RAC1: variants seen among roughly 807,000 people sequenced by gnomAD.
RAC1 encodes Rac family small GTPase 1, also known as ras-related C3 botulinum toxin substrate 1.
A neutral mutation model predicts 25.2 loss-of-function variants in RAC1; 2 were observed. The ratio of observed to expected loss-of-function variants is 0.08; its 90% confidence interval spans 0.03 to 0.25. RAC1 has a LOEUF of 0.25. RAC1 is among the 10% of genes least tolerant of loss of function. RAC1 has a pLI of 1.00. For missense variants in RAC1, 50 were observed against 235.7 expected, an observed-to-expected ratio of 0.21 and a Z score of 5.16; for synonymous variants, 88 against 94.0, an observed-to-expected ratio of 0.94 and a Z score of 0.37.
chr7:6,388,049 G>C (rs572906130), intron 2 of RAC1, among the ~76,000 whole-genome samples: 26 of 152,210 alleles, frequency 1.7e-4, no homozygotes, highest in African/African-American at 6.0e-4. Flanking sequence ...ATTGAAACTT[G>C]GGTGTGTGTG....
intron 3 of RAC1, among the ~76,000 whole-genome samples, chr7:6,398,367 T>A (rs896056533): frequency 6.6e-6 from 1 of 152,202 alleles, no homozygotes; most frequent in Middle Eastern, 3.2e-3. Context: ...CTGTGCCAGC[T>A]GTTGTAGATT....
intron 1 of RAC1, among the ~76,000 whole-genome samples, chr7:6,380,960 C>A (rs1243488327): frequency 6.6e-6 from 1 of 152,100 alleles, no homozygotes; most frequent in African/African-American, 2.4e-5. Flanking sequence ...TCTCCGCATC[C>A]CAGGTTCAGG....
chr7:6,395,710 G>A (rs752739447), intron 3 of RAC1, among the ~76,000 whole-genome samples: 1 of 152,142 alleles, frequency 6.6e-6, no homozygotes, highest in Admixed American at 6.5e-5. Flanking sequence ...CTCCACCAGG[G>A]CGAAGCTGCG....
intron 2 of RAC1, among the ~76,000 whole-genome samples, chr7:6,390,568 C>A (rs559870872): frequency 6.6e-6 from 1 of 151,720 alleles, no homozygotes; most frequent in African/African-American, 2.4e-5. Flanking sequence ...CCACTGCACT[C>A]CAGCCTGGGT....
intron 1 of RAC1, among the ~76,000 whole-genome samples, chr7:6,376,160 A>T (rs916782866): frequency 4.7e-5 from 6 of 126,908 alleles, no homozygotes; most frequent in Non-Finnish European, 1.0e-4. Context: ...GTATTAGAGT[A>T]TGTAGGCTAT....
intron 2 of RAC1, chr7:6,391,679 T>G: frequency 2.0e-6 from 1 of 491,008 alleles, no homozygotes; most frequent in Non-Finnish European, 3.6e-6. Flanking sequence ...CTGACGGTGA[T>G]TTGTTTCACT....
chr7:6,394,893 C>A (rs1050062673), intron 3 of RAC1, among the ~76,000 whole-genome samples: 2 of 150,246 alleles, frequency 1.3e-5, no homozygotes, highest in Non-Finnish European at 3.0e-5. Context: ...CTTGCTCTGT[C>A]GCCCAGGCTG....
chr7:6,383,876 C>T (rs971060488), intron 1 of RAC1, among the ~76,000 whole-genome samples: 1 of 135,224 alleles, frequency 7.4e-6, no homozygotes, highest in Non-Finnish European at 1.5e-5. Flanking sequence ...AATCTCGGCT[C>T]ACTGCAACTT....
chr7:6,379,634 T>C (rs1782708572), intron 1 of RAC1, among the ~76,000 whole-genome samples: 1 of 152,240 alleles, frequency 6.6e-6, no homozygotes, highest in African/African-American at 2.4e-5. Flanking sequence ...GGTTTCGAAC[T>C]CCTGACCTTA....
chr7:6,382,936 G>C (rs1164171723), intron 1 of RAC1, among the ~76,000 whole-genome samples: 1 of 152,118 alleles, frequency 6.6e-6, no homozygotes, highest in African/African-American at 2.4e-5. Flanking sequence ...CTTTCATTGT[G>C]GTTATTTCTA....
rs1782589813 is a variant in RAC1 at position 6,376,254 on chromosome 7, CTCA to C, written c.35+1485_35+1487del. On this transcript the variant is annotated intron_variant, in intron 1 of 5. Transcript: ENST00000348035. ...CTGGAGTGCAGTGGCACGATTTCGG[CTCA>C]CTACAACCTCCGCCTCCCAGGTTCA... Among the ~76,000 whole-genome samples, 5 of 127,934 alleles carry C rather than the reference CTCA, an allele frequency of 3.9e-5. No individual in the cohort carries two copies. In the South Asian group the frequency reaches 1.3e-3, roughly 32 times the overall value. 83.9% of individuals were successfully genotyped at this position (127,934 alleles called of 152,430 possible).
At chr7:6,386,494 C>T (rs1374214658) in intron 1 of RAC1, among the ~76,000 whole-genome samples, 1 of 151,842 alleles carries the variant, frequency 6.6e-6, no homozygotes, top group Non-Finnish European at 1.5e-5. Flanking sequence ...AATTAAAATA[C>T]CTTTAGGCTG....
At chr7:6,400,716 C>G (rs913310547) in intron 4 of RAC1, among the ~76,000 whole-genome samples, 6 of 151,794 alleles carry the variant, frequency 4.0e-5, no homozygotes, top group African/African-American at 1.2e-4. Context: ...ACTCTTGTTG[C>G]CCAGGCTGGA....
chr7:6,392,071 C>G (rs773557046), intron 3 of RAC1, 30 bp downstream of exon 3: 22 of 1,613,360 alleles, frequency 1.4e-5, no homozygotes, highest in Non-Finnish European at 1.7e-5. Flanking sequence ...TTTAATGTGT[C>G]TTTTAGAGTA....
intron 1 of RAC1, among the ~76,000 whole-genome samples, chr7:6,386,788 CAAAA>C (rs71008388): frequency 2.3e-5 from 2 of 88,186 alleles, no homozygotes; most frequent in Non-Finnish European, 4.7e-5. Context: ...GACTCGGTCT[CAAAA>C]AAAAAAAAAA....
At chr7:6,392,116 C>T in intron 3 of RAC1, 75 bp downstream of exon 3, 1 of 1,597,346 alleles carries the variant, frequency 6.3e-7, no homozygotes, top group Non-Finnish European at 8.6e-7. Flanking sequence ...TGCATGTTAC[C>T]TATGGACTTG....
intron 1 of RAC1, among the ~76,000 whole-genome samples, chr7:6,382,684 A>G (rs1177465728): frequency 6.6e-6 from 1 of 152,206 alleles, no homozygotes; most frequent in Admixed American, 6.5e-5. Context: ...CCAACATGGC[A>G]AAACCCTGTC....
Position 6,383,784 on chromosome 7 carries a change from C to CTTTTTTTTTTT in RAC1, c.36-3403_36-3393dup, listed in dbSNP as rs34847745. ...GTTAAGGTTTTTACACAACCTTTAT[C>CTTTTTTTTTTT]TTTTTTTTTTTTTTTTTTTTTTTTT... On this transcript the variant is annotated intron_variant, in intron 1 of 5. Transcript: ENST00000348035. Among the ~76,000 whole-genome samples, 154 of 39,796 alleles carry CTTTTTTTTTTT rather than the reference C, an allele frequency of 3.9e-3. 11 individuals are homozygous for CTTTTTTTTTTT. Among genetic ancestry groups the CTTTTTTTTTTT allele is most frequent in the East Asian group, 0.011 (7 of 632 alleles). 26.1% of individuals were successfully genotyped at this position (39,796 alleles called of 152,430 possible).
At chr7:6,395,909 C>T (rs1347937155) in intron 3 of RAC1, among the ~76,000 whole-genome samples, 1 of 152,100 alleles carries the variant, frequency 6.6e-6, no homozygotes, top group African/African-American at 2.4e-5. Flanking sequence ...GTAGTGAGAT[C>T]TCAGCTGTCC....
Sources: gnomAD v4.1 joint callset for allele counts (sites outside exome capture counted in the v4.1 genomes callset) on GRCh38, gnomAD v4.1.1 for gene constraint, MANE v1.5 for transcripts, NCBI Gene and HGNC (gene_info 2026-07-23, HGNC 2026-07-21) for gene names.